The following SSH2 variants were observed in gnomAD, a reference collection of about 807,000 sequenced individuals.
SSH2 encodes protein phosphatase Slingshot homolog 2.
In SSH2, 37 loss-of-function variants were observed where a neutral mutation model predicts 135.2. The observed-to-expected ratio is 0.27, with a 90% CI of 0.21 to 0.36. The LOEUF is 0.36. Ranked by LOEUF, SSH2 falls within the 10% of genes least tolerant of loss-of-function variation. The pLI, the probability that SSH2 is intolerant of heterozygous loss-of-function variation, is 1.00. For synonymous variants in SSH2, 628 were observed against 646.2 expected, an observed-to-expected ratio of 0.97 and a Z score of 0.43; for missense variants, 1,408 against 1,765.3, an observed-to-expected ratio of 0.80 and a Z score of 3.63.
chr17:29,630,967 A>C lies in SSH2; in HGVS notation c.4227T>G (p.Cys1409Trp). 1.2e-6 allele frequency: 2 copies of C among 1,613,360 alleles called. No homozygotes were observed. The highest frequency in any genetic ancestry group is 1.7e-6 in the Non-Finnish European group (2 of 1,179,350). ...CGGCCAGCCCTGGAGCTGGGCATGCACACTGCAGTCCCTGGGTCTGTAGCA... is the reference window on the plus strand; with the variant it reads ...CGGCCAGCCCTGGAGCTGGGCATGCCCACTGCAGTCCCTGGGTCTGTAGCA... ...LPVLQTQGLQ[C>W]ACPAPGLAVA... Residue 1409 changes from cysteine to tryptophan, a missense_variant, in exon 16 of 16, where the codon TGT (cysteine) becomes TGG (tryptophan). Around this residue, in one of 3 missense-constraint regions of SSH2, gnomAD observed 1,080 missense variants for 1,144.5 expected, o/e 0.94. Coordinates refer to ENST00000540801, the MANE Select transcript of SSH2 (RefSeq NM_001282129.2).
rs577936058 is a variant in SSH2, at chr17:29,738,797, G to A, written c.189-35735C>T. 2.3e-4 allele frequency among the ~76,000 whole-genome samples: 35 copies of A among 151,882 alleles called. 1 individual carries two copies. The highest frequency in any genetic ancestry group is 1.2e-3 in the Admixed American group (18 of 15,260). ...TCTCAATCTACTGACCTTGTGATCC[G>A]CCCGCCCCGGCCTCCCAAAGTGCTG... On this transcript the variant is annotated intron_variant, in intron 3 of 15. Coordinates refer to ENST00000540801, the MANE Select transcript of SSH2 (RefSeq NM_001282129.2).
chr17:29,760,947 C>G (rs1311001302), intron 3 of SSH2, among the ~76,000 whole-genome samples: 1 of 152,146 alleles, frequency 6.6e-6, no homozygotes, highest in Non-Finnish European at 1.5e-5. Flanking sequence ...CACCCCCACC[C>G]CGGGACACTT....
intron 3 of SSH2, among the ~76,000 whole-genome samples, chr17:29,742,135 C>T (rs1338332709): frequency 6.6e-6 from 1 of 151,792 alleles, no homozygotes. Flanking sequence ...AGGGTTTTCA[C>T]CGTGTTCAAC....
intron 3 of SSH2, 38 bp from the exon 4 acceptor site, chr17:29,703,100 G>C: frequency 6.9e-7 from 1 of 1,458,852 alleles, no homozygotes; most frequent in Non-Finnish European, 9.6e-7. Flanking sequence ...AATTACTTAG[G>C]AAAGGAAATC....
At chr17:29,794,395 T>A (rs1433263144) in intron 2 of SSH2, among the ~76,000 whole-genome samples, 2 of 152,178 alleles carry the variant, frequency 1.3e-5, no homozygotes, top group Non-Finnish European at 2.9e-5. Flanking sequence ...AACATCAACA[T>A]AATGGCTACC....
chr17:29,836,765 A>G (rs935459309), intron 2 of SSH2, among the ~76,000 whole-genome samples: 8 of 152,216 alleles, frequency 5.3e-5, no homozygotes, highest in African/African-American at 1.9e-4. Context: ...CACTGTTGAG[A>G]TTACAGAAAA....
chr17:29,860,437 A>G (rs915220602), intron 1 of SSH2, among the ~76,000 whole-genome samples: 1 of 98,014 alleles, frequency 1.0e-5, no homozygotes, highest in East Asian at 4.2e-4. Context: ...GCCTTTGCCC[A>G]CTTTTTTTTT....
At chr17:29,767,003 C>T (rs866939583) in intron 3 of SSH2, among the ~76,000 whole-genome samples, 1 of 152,146 alleles carries the variant, frequency 6.6e-6, no homozygotes, top group Non-Finnish European at 1.5e-5. Context: ...TTGCAATCAC[C>T]ATGTGGCTAA....
intron 3 of SSH2, chr17:29,780,458 T>A (rs1307633885): frequency 6.8e-6 from 1 of 147,892 alleles, no homozygotes; most frequent in Non-Finnish European, 1.5e-5. Context: ...TTTTTTGAGA[T>A]AGGGTCTTGC....
At chr17:29,870,987 C>T (rs1041263353) in intron 1 of SSH2, among the ~76,000 whole-genome samples, 2 of 152,144 alleles carry the variant, frequency 1.3e-5, no homozygotes, top group African/African-American at 4.8e-5. Flanking sequence ...ATGACAACAT[C>T]ATACAGGGCC....
At chr17:29,684,013 A>T (rs188099700) in intron 6 of SSH2, among the ~76,000 whole-genome samples, 44 of 152,166 alleles carry the variant, frequency 2.9e-4, no homozygotes, top group African/African-American at 8.0e-4. Context: ...CTTGCTTTAT[A>T]TTGTGACTAT....
intron 3 of SSH2, among the ~76,000 whole-genome samples, chr17:29,752,290 A>C (rs1476320224): frequency 4.6e-5 from 7 of 152,190 alleles, no homozygotes; most frequent in African/African-American, 1.4e-4. Flanking sequence ...ACATTTGTCT[A>C]CTAAAGGTGT....
chr17:29,865,684 T>C (rs2065841417), intron 1 of SSH2, among the ~76,000 whole-genome samples: 1 of 152,110 alleles, frequency 6.6e-6, no homozygotes, highest in African/African-American at 2.4e-5. Context: ...AAGACAGAAA[T>C]AGTTGAAGCT....
intron 1 of SSH2, among the ~76,000 whole-genome samples, chr17:29,901,614 C>A (rs2066555651): frequency 6.6e-6 from 1 of 152,156 alleles, no homozygotes; most frequent in African/African-American, 2.4e-5. Context: ...GGTTCTTCCT[C>A]TAAACTGCTA....
intron 1 of SSH2, among the ~76,000 whole-genome samples, chr17:29,901,287 A>C (rs1003942866): frequency 6.6e-6 from 1 of 152,280 alleles, no homozygotes; most frequent in South Asian, 2.1e-4. Context: ...ATAATAAAAA[A>C]AAAACAATGT....
chr17:29,793,977 G>T, intron 2 of SSH2, 40 bp from the exon 3 acceptor site: 1 of 1,443,294 alleles, frequency 6.9e-7, no homozygotes, highest in South Asian at 1.2e-5. Context: ...TAAAACCTGA[G>T]GTTTCATATC....
intron 1 of SSH2, among the ~76,000 whole-genome samples, chr17:29,849,858 A>ATG: frequency 1.3e-5 from 1 of 76,778 alleles, no homozygotes; most frequent in South Asian, 3.2e-4. Flanking sequence ...AAAAAAAAGT[A>ATG]TATATATATA....
chr17:29,781,473 C>CTTTTTTTTTTTTTTT (rs541361010), intron 3 of SSH2, among the ~76,000 whole-genome samples: 1 of 81,840 alleles, frequency 1.2e-5, no homozygotes, highest in Non-Finnish European at 2.3e-5. Flanking sequence ...CCTGTGTTTT[C>CTTTTTTTTTTTTTTT]TTTTTTTTTT....
chr17:29,773,366 T>C (rs2041629359), intron 3 of SSH2, among the ~76,000 whole-genome samples: 2 of 152,220 alleles, frequency 1.3e-5, no homozygotes. Context: ...AAAACTCATA[T>C]ACATTTTTTG....
Sources: gnomAD v4.1 joint callset for allele counts (sites outside exome capture counted in the v4.1 genomes callset) on GRCh38, gnomAD v4.1.1 for gene constraint, gnomAD v4.1.1 regional missense constraint, MANE v1.5 for transcripts, NCBI Gene and HGNC (gene_info 2026-07-23, HGNC 2026-07-21) for gene names.